DPYD: variants seen among roughly 807,000 people sequenced by gnomAD.
DPYD encodes dihydropyrimidine dehydrogenase [NADP(+)].
A neutral mutation model predicts 116.2 loss-of-function variants in DPYD; 109 were observed. The ratio of observed to expected loss-of-function variants is 0.94; its 90% CI spans 0.80 to 1.10. DPYD has a LOEUF of 1.10. DPYD is among the 50% of genes least tolerant of loss of function. The pLI, the probability that DPYD is intolerant of heterozygous loss-of-function variation, is 0.00. For missense variants in DPYD, 1,302 were observed against 1,254.5 expected (o/e 1.04, Z -0.57); for synonymous variants, 440 against 432.0 (o/e 1.02, Z -0.23).
chr1:97,192,904 C>A (rs1049526628), intron 20 of DPYD, among the ~76,000 whole-genome samples, 165 bp downstream of exon 20: 4 of 152,190 alleles, frequency 2.6e-5, no homozygotes, highest in South Asian at 4.1e-4. Context: ...ACAGACCCAT[C>A]ATATGGCTGT....
intron 12 of DPYD, among the ~76,000 whole-genome samples, chr1:97,532,912 T>G (rs568678596): frequency 7.5e-6 from 1 of 132,588 alleles, no homozygotes; most frequent in African/African-American, 2.7e-5. Context: ...GGCTTAGTTG[T>G]TTTTTTTTTT....
At chr1:97,206,911 T>C (rs1659678143) in intron 19 of DPYD, among the ~76,000 whole-genome samples, 1 of 151,558 alleles carries the variant, frequency 6.6e-6, no homozygotes, top group Non-Finnish European at 1.5e-5. Context: ...ATATGTAGTA[T>C]AGATTTCTTG....
At chr1:97,551,002 A>G (rs1245955950) in intron 11 of DPYD, among the ~76,000 whole-genome samples, 1 of 152,192 alleles carries the variant, frequency 6.6e-6, no homozygotes, top group African/African-American at 2.4e-5. Context: ...CCACAAGATC[A>G]TAGGTTCCAT....
At chr1:97,536,741 A>C (rs919724218) in intron 12 of DPYD, among the ~76,000 whole-genome samples, 2 of 152,186 alleles carry the variant, frequency 1.3e-5, no homozygotes, top group Non-Finnish European at 2.9e-5. Context: ...CCCAGATTTC[A>C]CAGGGGCTGC....
intron 16 of DPYD, among the ~76,000 whole-genome samples, chr1:97,319,217 G>T (rs1035431123): frequency 3.4e-5 from 5 of 148,888 alleles, no homozygotes; most frequent in African/African-American, 1.2e-4. Context: ...CAGAAGGCAA[G>T]AAATAACTAA....
rs768993607 is a variant in DPYD, at chr1:97,079,075, G to A, written c.2979C>T (p.Leu993=). ...TGCAGTCGACAATAGGGCAAACACT[G>A]AGACACAGAGTACAGCCTGTACAAG... ...TDTCTGCTLC[L]SVCPIVDCIK... The change falls in exon 23 of 23, where the codon CTC becomes CTT. Residue 993 remains leucine, a synonymous_variant. Coordinates refer to ENST00000370192, the MANE Select transcript of DPYD (RefSeq NM_000110.4). 9.3e-6 allele frequency: 15 copies of A among 1,613,762 alleles called. No homozygotes were observed. The highest frequency in any genetic ancestry group is 1.6e-4 in the Middle Eastern group (1 of 6,062).
chr1:97,564,480 T>A (rs765333288), intron 11 of DPYD, among the ~76,000 whole-genome samples: 2 of 152,232 alleles, frequency 1.3e-5, no homozygotes, highest in Non-Finnish European at 2.9e-5. Context: ...GCTGTAGGCA[T>A]TAAGGTATAG....
At position 97,522,055 on chromosome 1, in the gene DPYD, T is replaced by C. The variant is rs552507339; in HGVS notation, c.1525-6114A>G. Among the ~76,000 whole-genome samples the C allele has an allele frequency of 3.9e-5, 6 of 152,084 alleles. No homozygotes were observed. The South Asian group carries it at 1.3e-3, about 32-fold the overall frequency. On this transcript the variant is annotated intron_variant, in intron 12 of 22. Coordinates refer to ENST00000370192, the MANE Select transcript of DPYD (RefSeq NM_000110.4). ...GGCAACAAAAGCCAAAATTGACAAA[T>C]GGGATCTAACTAAACTAAAGAGCTT...
At chr1:97,601,404 G>A (rs754084656) in intron 8 of DPYD, among the ~76,000 whole-genome samples, 1 of 151,924 alleles carries the variant, frequency 6.6e-6, no homozygotes, top group Admixed American at 6.6e-5. Context: ...CTAATCATAA[G>A]CCATTTGGGT....
chr1:97,173,708 T>G (rs1344975038), intron 20 of DPYD, among the ~76,000 whole-genome samples: 1 of 150,772 alleles, frequency 6.6e-6, no homozygotes, highest in Non-Finnish European at 1.5e-5. Flanking sequence ...AACACTAAAG[T>G]TTCTGAGGCA....
chr1:97,773,530 C>A (rs888576641), intron 3 of DPYD, among the ~76,000 whole-genome samples: 1 of 152,240 alleles, frequency 6.6e-6, no homozygotes, highest in African/African-American at 2.4e-5. Context: ...TCTGACCCAC[C>A]ATGCTCCCCC....
chr1:97,888,540 G>A (rs1228975141), intron 1 of DPYD, among the ~76,000 whole-genome samples: 1 of 145,102 alleles, frequency 6.9e-6, no homozygotes. Flanking sequence ...CAATGAATGT[G>A]AAGTATGCTA....
intron 21 of DPYD, chr1:97,096,018 A>G (rs1313891889): frequency 6.6e-6 from 1 of 152,212 alleles, no homozygotes; most frequent in Non-Finnish European, 1.5e-5. Flanking sequence ...CTTGAGGCTT[A>G]TGTAACATGT....
At chr1:97,624,702 T>C (rs1557844446) in intron 8 of DPYD, among the ~76,000 whole-genome samples, 1 of 151,998 alleles carries the variant, frequency 6.6e-6, no homozygotes, top group Non-Finnish European at 1.5e-5. Context: ...TAGCTAAACT[T>C]TAGAATCAAA....
intron 10 of DPYD, among the ~76,000 whole-genome samples, chr1:97,592,047 T>C (rs1328030586): frequency 6.6e-6 from 1 of 152,236 alleles, no homozygotes; most frequent in African/African-American, 2.4e-5. Flanking sequence ...TTTGGTAAGA[T>C]TAATTTGTAA....
chr1:97,122,970 G>A (rs887983459), intron 20 of DPYD, among the ~76,000 whole-genome samples: 1 of 151,990 alleles, frequency 6.6e-6, no homozygotes, highest in Non-Finnish European at 1.5e-5. Context: ...TAAATATAAG[G>A]TTGCCTATAC....
At chr1:97,108,415 C>T (rs939418103) in intron 20 of DPYD, among the ~76,000 whole-genome samples, 66 of 152,064 alleles carry the variant, frequency 4.3e-4, no homozygotes, top group Non-Finnish European at 2.5e-4. Context: ...GGGTTTATGC[C>T]TAGGTGGCAT....
At chr1:97,655,273 G>A (rs370489183) in intron 8 of DPYD, among the ~76,000 whole-genome samples, 11 of 152,188 alleles carry the variant, frequency 7.2e-5, no homozygotes, top group African/African-American at 2.7e-4. Flanking sequence ...ATCCCACAAT[G>A]AAGTGTCATG....
intron 3 of DPYD, among the ~76,000 whole-genome samples, chr1:97,768,995 T>C (rs974881518): frequency 6.6e-6 from 1 of 152,000 alleles, no homozygotes; most frequent in Non-Finnish European, 1.5e-5. Flanking sequence ...ACTCGAGTAT[T>C]AAATTTAAAA....
Sources: gnomAD v4.1 joint callset for allele counts (sites outside exome capture counted in the v4.1 genomes callset) on GRCh38, gnomAD v4.1.1 for gene constraint, MANE v1.5 for transcripts, NCBI Gene and HGNC (gene_info 2026-07-23, HGNC 2026-07-21) for gene names.